NOP9: variants seen among roughly 807,000 people sequenced by gnomAD.
NOP9 encodes the protein NOP9 nucleolar protein.
NOP9 carries 50 observed loss-of-function variants against 63.0 expected under a neutral mutation model. The ratio of observed to expected loss-of-function variants is 0.79; its 90% CI spans 0.63 to 1.00. The LOEUF (loss-of-function observed/expected upper bound fraction) is 1.00, where lower values mean the gene tolerates loss of function less well. Among genes scored for constraint, NOP9 ranks in the 50% least tolerant of loss-of-function variants. The pLI is 0.00. For synonymous variants in NOP9, 343 were observed against 332.8 expected, an observed-to-expected ratio of 1.03 and a Z score of -0.33; for missense variants, 758 against 803.0, an observed-to-expected ratio of 0.94 and a Z score of 0.68.
upstream of NOP9, chr14:24,298,735 A>T: frequency 3.8e-6 from 2 of 532,446 alleles, no homozygotes; most frequent in Non-Finnish European, 6.4e-6. Flanking sequence ...ACGTGCCACC[A>T]TGCCTGGCTC....
At position 24,306,741 on chromosome 14, in the gene NOP9, T is replaced by A; in HGVS notation, c.*1646T>A. The A allele has an allele frequency of 1.7e-6, 1 of 576,912 alleles. No individual in the cohort carries two copies. The highest frequency in any genetic ancestry group is 3.1e-6 in the Non-Finnish European group (1 of 326,168). 35.7% of individuals were successfully genotyped at this position (576,912 alleles called of 1,614,324 possible). A position where few individuals can be genotyped will look rare whatever the true frequency, so the allele number is the denominator to read the frequency against. The stretch of plus-strand genomic sequence containing the variant: ...CTTTTTCCTCTTTGCTCCTACCATG[T>A]CATTGGCATCTCCCCTTGCTCCCCT... On this transcript the variant is annotated 3_prime_UTR_variant, in exon 10 of 10. Coordinates refer to ENST00000267425, the MANE Select transcript of NOP9 (RefSeq NM_174913.3).
the NOP9 span, among the ~76,000 whole-genome samples, chr14:24,282,490 G>A: frequency 1.3e-5 from 2 of 152,238 alleles, no homozygotes; most frequent in South Asian, 2.1e-4. Flanking sequence ...CTGATGATAG[G>A]GTGTTAATGT....
At chr14:24,298,992 G>T (rs746955860), upstream of NOP9, 24 of 1,613,112 alleles carry the variant, frequency 1.5e-5, no homozygotes, top group Non-Finnish European at 1.8e-5. Flanking sequence ...TCCAGATGGC[G>T]GCCAGTGATG....
chr14:24,279,442 G>A, the NOP9 span, among the ~76,000 whole-genome samples: 9 of 152,198 alleles, frequency 5.9e-5, no homozygotes, highest in East Asian at 1.9e-4. Context: ...GGAAGAAGAC[G>A]AAACAGGTTA....
At chr14:24,286,586 TTTTA>T in the NOP9 span, among the ~76,000 whole-genome samples, 1,001 of 151,972 alleles carry the variant, frequency 6.6e-3, 10 homozygotes, top group African/African-American at 0.023. Context: ...TTTATTTTTA[TTTTA>T]TTTATTTATT....
At position 24,306,249 on chromosome 14, in the gene NOP9, A is replaced by G; in HGVS notation, c.*1154A>G. 1.3e-6 allele frequency: 2 copies of G among 1,521,026 alleles called. No individual in the cohort carries two copies. The highest frequency in any genetic ancestry group is 1.8e-6 in the Non-Finnish European group (2 of 1,107,830). The allele number at this position is 1,521,026 out of a possible 1,614,324, so 94.2% of individuals were successfully genotyped here. On this transcript the variant is annotated 3_prime_UTR_variant, in exon 10 of 10. Transcript: ENST00000267425. ...GCTTGGACTTTCTGTCCACTGTGTG[A>G]CATCCTTGACAATTCCACAACTCCT...
chr14:24,283,577 T>C, the NOP9 span, among the ~76,000 whole-genome samples: 2 of 152,116 alleles, frequency 1.3e-5, no homozygotes, highest in African/African-American at 2.4e-5. Flanking sequence ...GAACTCCAGC[T>C]CACGCTACAG....
chr14:24,307,192 A>G lies in NOP9; in HGVS notation c.*2097A>G. On this transcript the variant is annotated 3_prime_UTR_variant, in exon 10 of 10. Coordinates refer to ENST00000267425, the MANE Select transcript of NOP9 (RefSeq NM_174913.3). ...AACCCCTGCTCCCATAGAAAAGCTC[A>G]CTCGGTGGAAAATGAACAAATTGAC... 6.6e-6 allele frequency: 4 copies of G among 603,612 alleles called. No individual in the cohort carries two copies. Among genetic ancestry groups the G allele is most frequent in the Non-Finnish European group, 1.1e-5 (4 of 353,964 alleles). The allele number at this position is 603,612 out of a possible 1,614,324, so 37.4% of individuals were successfully genotyped here.
At position 24,299,947 on chromosome 14, in the gene NOP9, A is replaced by G. The variant is rs1174756493; in HGVS notation, c.-8A>G. ...AGCTTTTGCAGCCGGACAGGTCGCG[A>G]AGCACACATGGGGCAGGGTCCGCGC... On this transcript the variant is annotated 5_prime_UTR_variant, in exon 1 of 10. Coordinates refer to ENST00000267425, the MANE Select transcript of NOP9 (RefSeq NM_174913.3). 6.5e-7 allele frequency: 1 copy of G among 1,528,974 alleles called. No individual in the cohort carries two copies. 94.7% of individuals were successfully genotyped at this position (1,528,974 alleles called of 1,614,324 possible).
At chr14:24,304,017 A>G (rs1394033479) in intron 7 of NOP9, 24 bp from the exon 8 acceptor site, 3 of 1,606,870 alleles carry the variant, frequency 1.9e-6, no homozygotes, top group Admixed American at 1.7e-5. Context: ...GGTGCCTCCT[A>G]ATTTCTTATC....
Position 24,301,624 on chromosome 14 carries a change from C to G in NOP9, c.710C>G (p.Thr237Ser). 1.2e-6 allele frequency: 2 copies of G among 1,614,122 alleles called. No individual in the cohort carries two copies. The highest frequency in any genetic ancestry group is 1.3e-5 in the African/African-American group (1 of 75,046). The change falls in exon 3 of 10, where the codon ACC becomes AGC. Residue 237 changes from threonine (T) to serine (S), a missense_variant. Thr to Ser is a moderately conservative substitution (Grantham distance 58). Coordinates refer to ENST00000267425, the MANE Select transcript of NOP9 (RefSeq NM_174913.3). ...AATCTTCCTTCAGAAGCACAGAAGA[C>G]CCCAGCTCAGGAATGTAAGCCAGCT... ...RGSQSSEAQK[T>S]PAQECKPADF...
chr14:24,300,453 T>C lies in NOP9; in HGVS notation c.293T>C (p.Leu98Pro). Residue 98 changes from leucine to proline, a missense_variant, in exon 2 of 10, where the codon CTA (leucine) becomes CCA (proline). Physicochemically the swap from Leu to Pro is moderately conservative, Grantham distance 98 (BLOSUM62 -3). Transcript: ENST00000267425. ...ATGAAGGAAGTAGAGACTCAGGCCC[T>C]AGCTTTGTCCACGAACAGGACTGGC... The part of the protein sequence containing the change: ...NIMKEVETQA[L>P]ALSTNRTGSE... 6.2e-7 allele frequency: 1 copy of C among 1,614,132 alleles called. No homozygotes were observed. The highest frequency in any genetic ancestry group is 8.5e-7 in the Non-Finnish European group (1 of 1,179,990).
In NOP9 at chr14:24,305,621, G is replaced by A. The variant is rs371813029; in HGVS notation, c.*526G>A. On this transcript the variant is annotated 3_prime_UTR_variant, in exon 10 of 10. Coordinates refer to ENST00000267425, the MANE Select transcript of NOP9 (RefSeq NM_174913.3). The stretch of plus-strand genomic sequence containing the variant: ...GGTTGGAATGATTCTGGGGGCAGAA[G>A]CTCAGAGCCCCTTAGTAGGAATGGA... 8.7e-6 allele frequency: 14 copies of A among 1,607,064 alleles called. No individual in the cohort carries two copies. The highest frequency in any genetic ancestry group is 1.3e-5 in the African/African-American group (1 of 74,598).
At chr14:24,291,481 G>T in the NOP9 span, 2 of 1,496,826 alleles carry the variant, frequency 1.3e-6, no homozygotes, top group African/African-American at 2.8e-5. Flanking sequence ...TCCCGAGCCA[G>T]ATCTGGGCAC....
rs753501656 is a variant in NOP9 at position 24,300,549 on chromosome 14, G to C, written c.389G>C (p.Arg130Pro). 6.2e-7 allele frequency: 1 copy of C among 1,614,224 alleles called. No individual in the cohort carries two copies. Among genetic ancestry groups the C allele is most frequent in the South Asian group, 1.1e-5 (1 of 91,090 alleles). Residue 130 changes from arginine to proline, a missense_variant, in exon 2 of 10, where the codon CGC (arginine) becomes CCC (proline). Physicochemically the swap from Arg to Pro is moderately radical, Grantham distance 103. Transcript: ENST00000267425. ...CTTTGTCGCGTGTGGGCTGCTCTGC[G>C]CTCTAACTTGCGCACTGTGGCCTGT... ...KPLCRVWAAL[R>P]SNLRTVACHR...
chr14:24,305,316 G>A lies in NOP9; in HGVS notation c.*221G>A, dbSNP rs1374216999. 1.1e-5 allele frequency: 6 copies of A among 562,498 alleles called. No homozygotes were observed. Among genetic ancestry groups the A allele is most frequent in the Non-Finnish European group, 1.8e-5 (6 of 338,570 alleles). The allele number at this position is 562,498 out of a possible 1,614,324, so 34.8% of individuals were successfully genotyped here. A position where few individuals can be genotyped will look rare whatever the true frequency, so the allele number is the denominator to read the frequency against. On this transcript the variant is annotated 3_prime_UTR_variant, in exon 10 of 10. Coordinates refer to ENST00000267425, the MANE Select transcript of NOP9 (RefSeq NM_174913.3). The stretch of plus-strand genomic sequence containing the variant: ...TATGCTGGGGAGTTTAGGGACAGGA[G>A]GCATTGGTAGGGGATTAGATGTAGC...
Position 24,300,161 on chromosome 14 carries a change from G to A in NOP9, c.207G>A (p.Leu69=). The A allele has an allele frequency of 6.2e-7, 1 of 1,614,146 alleles. No homozygotes were observed. Among genetic ancestry groups the A allele is most frequent in the Non-Finnish European group, 8.5e-7 (1 of 1,180,024 alleles). The part of the protein sequence containing the change: ...PEALGYFRRA[L]SALKEAPETG... The stretch of plus-strand genomic sequence containing the variant: ...CTCTGGGATATTTCCGCCGGGCGCT[G>A]TCAGCATTGAAAGAGGCTCCCGAGA... Residue 69 remains leucine, a synonymous_variant, in exon 1 of 10, where the codon CTG becomes CTA. Coordinates refer to ENST00000267425, the MANE Select transcript of NOP9 (RefSeq NM_174913.3).
chr14:24,306,519 A>T lies in NOP9; in HGVS notation c.*1424A>T. 6.2e-7 allele frequency: 1 copy of T among 1,614,192 alleles called. No individual in the cohort carries two copies. Among genetic ancestry groups the T allele is most frequent in the Non-Finnish European group, 8.5e-7 (1 of 1,180,028 alleles). Reference sequence around the variant, plus strand: ...CACTCCATTCAGCAGTAGGGTCTCCAATGCCTGCCCAATGGCAAGAAGCAA... The same window carrying T: ...CACTCCATTCAGCAGTAGGGTCTCCTATGCCTGCCCAATGGCAAGAAGCAA... On this transcript the variant is annotated 3_prime_UTR_variant, in exon 10 of 10. Coordinates refer to ENST00000267425, the MANE Select transcript of NOP9 (RefSeq NM_174913.3).
chr14:24,291,262 T>A, the NOP9 span: 1 of 1,599,556 alleles, frequency 6.3e-7, no homozygotes, highest in Non-Finnish European at 8.6e-7. Flanking sequence ...CAGGGGAGTA[T>A]GCAGAGTGAC....
Sources: allele counts gnomAD v4.1 joint callset (sites outside exome capture counted in the v4.1 genomes callset), GRCh38; gene constraint gnomAD v4.1.1; transcripts MANE v1.5; gene names NCBI Gene and HGNC (gene_info 2026-07-23, HGNC 2026-07-21).